The following SNX18 variants were observed in gnomAD, a reference collection of about 807,000 sequenced individuals.
The protein encoded by SNX18 is sorting nexin 18, also known as sorting nexin-18.
SNX18 carries 35 observed loss-of-function variants against 48.7 expected under a neutral mutation model. That is an observed-to-expected ratio of 0.72 (90% CI 0.55 to 0.95). SNX18 has a LOEUF of 0.95. Among genes scored for constraint, SNX18 ranks in the 40% least tolerant of loss-of-function variants. SNX18 has a pLI of 0.00. For missense variants in SNX18, 824 were observed against 871.0 expected (o/e 0.95, Z 0.68); for synonymous variants, 492 against 384.7 (o/e 1.28, Z -3.26).
chr5:54,587,151 C>A, the SNX18 span, among the ~76,000 whole-genome samples: 1 of 152,016 alleles, frequency 6.6e-6, no homozygotes, highest in African/African-American at 2.4e-5. Context: ...AATCTCATGG[C>A]AAATTATTTA....
chr5:54,527,374 C>A (rs1762155209), intron 1 of SNX18, among the ~76,000 whole-genome samples: 1 of 151,988 alleles, frequency 6.6e-6, no homozygotes, highest in Admixed American at 6.6e-5. Flanking sequence ...GGGGGGTCCC[C>A]CTCCAGCTAT....
the SNX18 span, among the ~76,000 whole-genome samples, chr5:54,572,742 G>GTATATATA: frequency 1.2e-4 from 5 of 41,666 alleles, no homozygotes; most frequent in African/African-American, 3.5e-4. Context: ...GTGTGTGTGT[G>GTATATATA]TGTGTGTGTG....
At chr5:54,614,097 C>G in the SNX18 span, among the ~76,000 whole-genome samples, 1 of 152,194 alleles carries the variant, frequency 6.6e-6, no homozygotes, top group Admixed American at 6.5e-5. Flanking sequence ...AAATGTTTCT[C>G]CTGAACAAAA....
At chr5:54,552,147 C>T in the SNX18 span, among the ~76,000 whole-genome samples, 1 of 152,196 alleles carries the variant, frequency 6.6e-6, no homozygotes. Context: ...TCTGTGCCTC[C>T]GCGACGTGAC....
rs1051681651 is a variant in SNX18, at chr5:54,544,617, A to G, written c.*1185A>G. Reference sequence around the variant, plus strand: ...ATTGATTTATACTATGTTTTAAAAAAAAAAAAGGTATTGATGAGCCCCCCC... The same window carrying G: ...ATTGATTTATACTATGTTTTAAAAAGAAAAAAGGTATTGATGAGCCCCCCC... On this transcript the variant is annotated 3_prime_UTR_variant, in exon 2 of 2. Transcript: ENST00000381410. The G allele has an allele frequency of 1.4e-5, 2 of 144,274 alleles. No homozygotes were observed. The highest frequency in any genetic ancestry group is 2.0e-4 in the East Asian group (1 of 4,974). 8.9% of individuals were successfully genotyped at this position (144,274 alleles called of 1,614,324 possible). A position where few individuals can be genotyped will look rare whatever the true frequency, so the allele number is the denominator to read the frequency against.
chr5:54,644,679 G>C, the SNX18 span: 2 of 152,234 alleles, frequency 1.3e-5, no homozygotes, highest in African/African-American at 4.8e-5. Flanking sequence ...CCAGCTGTCA[G>C]CCATTTGCCC....
At chr5:54,634,370 G>C in the SNX18 span, among the ~76,000 whole-genome samples, 1 of 152,150 alleles carries the variant, frequency 6.6e-6, no homozygotes, top group Non-Finnish European at 1.5e-5. Context: ...GCAGAGTTTA[G>C]TGTTTGCTTC....
At chr5:54,588,438 C>T in the SNX18 span, among the ~76,000 whole-genome samples, 2 of 150,616 alleles carry the variant, frequency 1.3e-5, no homozygotes, top group Non-Finnish European at 3.0e-5. Flanking sequence ...CACCATTCTC[C>T]TGCCTCAGCC....
At chr5:54,606,728 T>C in the SNX18 span, among the ~76,000 whole-genome samples, 1 of 152,216 alleles carries the variant, frequency 6.6e-6, no homozygotes. Context: ...CAATGTAACA[T>C]TTTACAAAAC....
chr5:54,539,671 A>G (rs1182401201), intron 1 of SNX18, among the ~76,000 whole-genome samples: 2 of 152,036 alleles, frequency 1.3e-5, no homozygotes, highest in East Asian at 1.9e-4. Flanking sequence ...TCCCTGTTCT[A>G]TCAGTGTGCT....
At chr5:54,550,441 TA>T (rs1219102045), downstream of SNX18, among the ~76,000 whole-genome samples, 1 of 151,306 alleles carries the variant, frequency 6.6e-6, no homozygotes, top group Non-Finnish European at 1.5e-5. Context: ...CTATCATTTT[TA>T]AAAAAAACAA....
At chr5:54,570,273 G>A in the SNX18 span, among the ~76,000 whole-genome samples, 2 of 152,324 alleles carry the variant, frequency 1.3e-5, no homozygotes, top group South Asian at 2.1e-4. Context: ...CAGAGCCAAG[G>A]AGGACCCTCC....
chr5:54,573,864 A>G, the SNX18 span, among the ~76,000 whole-genome samples: 1 of 152,192 alleles, frequency 6.6e-6, no homozygotes, highest in African/African-American at 2.4e-5. Context: ...AGCAGCTTAA[A>G]CAAAATAGAT....
At chr5:54,608,686 TG>T in the SNX18 span, among the ~76,000 whole-genome samples, 1 of 152,196 alleles carries the variant, frequency 6.6e-6, no homozygotes, top group African/African-American at 2.4e-5. Context: ...TGTGTCTGTG[TG>T]GGGGTGTATA....
chr5:54,567,555 C>G, the SNX18 span, among the ~76,000 whole-genome samples: 3 of 152,106 alleles, frequency 2.0e-5, no homozygotes, highest in South Asian at 6.2e-4. Context: ...ACAAAAACAT[C>G]AGGGCGATGT....
chr5:54,643,392 A>C, the SNX18 span, among the ~76,000 whole-genome samples: 34,015 of 152,126 alleles, frequency 0.22, 4,453 homozygotes, highest in East Asian at 0.6. Context: ...AGATGTGAAA[A>C]ACACATTCAA....
At chr5:54,566,009 T>C in the SNX18 span, among the ~76,000 whole-genome samples, 3 of 152,210 alleles carry the variant, frequency 2.0e-5, no homozygotes, top group Admixed American at 6.5e-5. Context: ...GTGCTCATCA[T>C]AGTCCTTCTC....
chr5:54,532,602 A>G (rs1762269747), intron 1 of SNX18, among the ~76,000 whole-genome samples: 2 of 152,188 alleles, frequency 1.3e-5, no homozygotes, highest in African/African-American at 4.8e-5. Context: ...GTCTTCATCT[A>G]TATTTGCTTG....
intron 1 of SNX18, among the ~76,000 whole-genome samples, chr5:54,535,236 A>G (rs1762330075): frequency 6.6e-6 from 1 of 152,194 alleles, no homozygotes; most frequent in Non-Finnish European, 1.5e-5. Flanking sequence ...GATGGCTTAC[A>G]TTGGTTAGAT....
Sources: allele counts gnomAD v4.1 joint callset (sites outside exome capture counted in the v4.1 genomes callset), GRCh38; gene constraint gnomAD v4.1.1; transcripts MANE v1.5; gene names NCBI Gene and HGNC (gene_info 2026-07-23, HGNC 2026-07-21).